Variants in PPFIBP1 observed in about 807,000 individuals in gnomAD.
PPFIBP1 encodes the protein PPFIB scaffold protein 1.
In PPFIBP1, 112 loss-of-function variants were observed where a neutral mutation model predicts 137.8. That is an observed-to-expected ratio of 0.81 (90% CI 0.70 to 0.95). The LOEUF is 0.95. PPFIBP1 is among the 40% of genes least tolerant of loss of function. PPFIBP1 has a pLI of 0.00. For missense variants in PPFIBP1, 1,083 were observed against 1,196.6 expected, an observed-to-expected ratio of 0.91 and a Z score of 1.40; for synonymous variants, 378 against 417.3, an observed-to-expected ratio of 0.91 and a Z score of 1.15.
rs555045751 is a variant in PPFIBP1 at position 27,576,891 on chromosome 12, T to C, written c.-123-1261T>C. ...TTCTGCCTCTGCTCTCTGAAGCATC[T>C]TAGGGTGGGAGTCCTAGGAGCTCAC... On this transcript the variant is annotated intron_variant, in intron 1 of 29. Transcript: ENST00000228425. Among the ~76,000 whole-genome samples the C allele has an allele frequency of 4.8e-4, 73 of 152,322 alleles. 1 individual carries two copies. The highest frequency in any genetic ancestry group is 3.4e-3 in the Middle Eastern group (1 of 294).
chr12:27,591,896 A>C (rs535380890), intron 2 of PPFIBP1, among the ~76,000 whole-genome samples: 1 of 152,220 alleles, frequency 6.6e-6, no homozygotes, highest in African/African-American at 2.4e-5. Context: ...CTCAATACCT[A>C]CTGCCACTCA....
At chr12:27,641,388 A>G (rs2058094572) in intron 4 of PPFIBP1, among the ~76,000 whole-genome samples, 1 of 152,220 alleles carries the variant, frequency 6.6e-6, no homozygotes, top group Non-Finnish European at 1.5e-5. Flanking sequence ...ATGCAAACCA[A>G]TAGAACCCAG....
chr12:27,594,654 A>G (rs1472701792), intron 2 of PPFIBP1, among the ~76,000 whole-genome samples: 1 of 152,228 alleles, frequency 6.6e-6, no homozygotes, highest in Non-Finnish European at 1.5e-5. Context: ...TTACAGTTTT[A>G]AGATCTTGTA....
At position 27,562,334 on chromosome 12, in the gene PPFIBP1, T is replaced by G. The variant is rs191820039; in HGVS notation, c.-123-15818T>G. 2.0e-3 allele frequency among the ~76,000 whole-genome samples: 302 copies of G among 152,320 alleles called. 3 individuals carry two copies. Among genetic ancestry groups the G allele is most frequent in the Admixed American group, 0.019 (288 of 15,300 alleles). ...AGACATGCCTGTGCACACACAAACATGCACAATATCATACATGGTATTATG... is the reference window on the plus strand; with the variant it reads ...AGACATGCCTGTGCACACACAAACAGGCACAATATCATACATGGTATTATG... On this transcript the variant is annotated intron_variant, in intron 1 of 29. Coordinates refer to ENST00000228425, the MANE Select transcript of PPFIBP1 (RefSeq NM_003622.4).
At chr12:27,553,325 A>G (rs4469932) in intron 1 of PPFIBP1, among the ~76,000 whole-genome samples, 15,276 of 152,138 alleles carry the variant, frequency 0.1, 967 homozygotes, top group South Asian at 0.28. Context: ...GTGCTCACCC[A>G]CACTCTGGAT....
intron 1 of PPFIBP1, among the ~76,000 whole-genome samples, chr12:27,543,582 C>T (rs1000226974): frequency 2.0e-5 from 3 of 152,104 alleles, no homozygotes; most frequent in Non-Finnish European, 4.4e-5. Context: ...ATGATTTATA[C>T]AAGTTTATAA....
chr12:27,633,348 T>C lies in PPFIBP1; in HGVS notation c.-35-14T>C. On this transcript the variant is annotated splice_polypyrimidine_tract_variant and intron_variant, in intron 2 of 29. Transcript: ENST00000228425. ...TCATTTAATGGATGTAATGATAACCTTATTTTTTTTCAGATCTGGGTTGGA... is the reference window on the plus strand; with the variant it reads ...TCATTTAATGGATGTAATGATAACCCTATTTTTTTTCAGATCTGGGTTGGA... 1 of 1,569,564 alleles carries C rather than the reference T, an allele frequency of 6.4e-7. No homozygotes were observed. The highest frequency in any genetic ancestry group is 8.8e-7 in the Non-Finnish European group (1 of 1,140,482).
intron 1 of PPFIBP1, among the ~76,000 whole-genome samples, chr12:27,556,472 G>T (rs1197407663): frequency 6.6e-6 from 1 of 152,152 alleles, no homozygotes; most frequent in Admixed American, 6.5e-5. Context: ...GACTTAGCTT[G>T]CGTTGTTAGT....
At chr12:27,671,807 C>T (rs575668781) in intron 14 of PPFIBP1, among the ~76,000 whole-genome samples, 2 of 152,322 alleles carry the variant, frequency 1.3e-5, no homozygotes, top group East Asian at 3.9e-4. Context: ...TGTGGTGGCT[C>T]ACGCCTGTAA....
At chr12:27,682,823 T>C in intron 24 of PPFIBP1, 120 bp downstream of exon 24, 1 of 1,512,882 alleles carries the variant, frequency 6.6e-7, no homozygotes, top group Admixed American at 2.1e-5. Flanking sequence ...AGCTGTTGCT[T>C]GAACTTGAGG....
chr12:27,687,429 C>T lies in PPFIBP1; in HGVS notation c.2292C>T (p.Leu764=), dbSNP rs1205617924. 21 of 1,613,950 alleles carry T rather than the reference C, an allele frequency of 1.3e-5. No individual in the cohort carries two copies. The highest frequency in any genetic ancestry group is 1.8e-5 in the Non-Finnish European group (21 of 1,179,960). ...SLKVVSVLHH[L]SIKRAIQVLR... ...AGGTTGTAAGTGTGCTACACCATCTCAGTATCAAAAGGGCCATCCAGGTCC... is the reference window on the plus strand; with the variant it reads ...AGGTTGTAAGTGTGCTACACCATCTTAGTATCAAAAGGGCCATCCAGGTCC... Residue 764 remains leucine (L), a synonymous_variant, in exon 25 of 30, where the codon CTC becomes CTT. Transcript: ENST00000228425.
chr12:27,664,226 C>CT (rs919703942), intron 11 of PPFIBP1, 136 bp from the exon 12 acceptor site: 56 of 626,586 alleles, frequency 8.9e-5, no homozygotes, highest in Middle Eastern at 4.3e-4. Context: ...TCTGCTTATT[C>CT]TTTTTTTTAA....
chr12:27,540,221 T>A (rs1174904025), intron 1 of PPFIBP1, among the ~76,000 whole-genome samples: 1 of 147,000 alleles, frequency 6.8e-6, no homozygotes, highest in Non-Finnish European at 1.5e-5. Context: ...CATGTCTGGC[T>A]AATTTTTTTT....
At chr12:27,624,642 G>C (rs2138684512) in intron 2 of PPFIBP1, among the ~76,000 whole-genome samples, 1 of 152,226 alleles carries the variant, frequency 6.6e-6, no homozygotes, top group African/African-American at 2.4e-5. Context: ...TTTCATTTTA[G>C]TGAACAAGAG....
intron 11 of PPFIBP1, among the ~76,000 whole-genome samples, chr12:27,663,454 GA>G (rs2059670213): frequency 6.6e-6 from 1 of 152,138 alleles, no homozygotes; most frequent in Non-Finnish European, 1.5e-5. Flanking sequence ...AAAGGATTGA[GA>G]AATAAAAATC....
chr12:27,647,209 C>T (rs764539656), intron 5 of PPFIBP1, among the ~76,000 whole-genome samples: 11 of 152,256 alleles, frequency 7.2e-5, no homozygotes, highest in Middle Eastern at 3.4e-3. Context: ...CCGTGTTGGC[C>T]AGGCTGGTCT....
At chr12:27,583,084 T>G (rs994077255) in intron 2 of PPFIBP1, among the ~76,000 whole-genome samples, 9 of 152,260 alleles carry the variant, frequency 5.9e-5, no homozygotes, top group African/African-American at 2.2e-4. Context: ...CTTTCTGGGC[T>G]ATTCTGGGCA....
chr12:27,579,559 T>C (rs1002421499), intron 2 of PPFIBP1, among the ~76,000 whole-genome samples: 1 of 152,232 alleles, frequency 6.6e-6, no homozygotes, highest in African/African-American at 2.4e-5. Context: ...TTGCTTATTA[T>C]GTTTGTGAAA....
chr12:27,594,480 A>G (rs191051066), intron 2 of PPFIBP1, among the ~76,000 whole-genome samples: 2 of 152,078 alleles, frequency 1.3e-5, no homozygotes, highest in Admixed American at 6.5e-5. Context: ...GCCCAGCCCC[A>G]TTCCCTTTTC....
Sources: gnomAD v4.1 joint callset for allele counts (sites outside exome capture counted in the v4.1 genomes callset) on GRCh38, gnomAD v4.1.1 for gene constraint, MANE v1.5 for transcripts, NCBI Gene and HGNC (gene_info 2026-07-23, HGNC 2026-07-21) for gene names.